The following TAB2 variants were observed in gnomAD, a reference collection of about 807,000 sequenced individuals.
TAB2 encodes TGF-beta activated kinase 1 (MAP3K7) binding protein 2, also known as TGF-beta-activated kinase 1 and MAP3K7-binding protein 2.
Under a neutral mutation model 65.0 loss-of-function variants are expected in TAB2, and 3 were observed. The observed-to-expected ratio is 0.05, with a 90% confidence interval of 0.02 to 0.12. The LOEUF (loss-of-function observed/expected upper bound fraction) is 0.12. Among genes scored for constraint, TAB2 ranks in the 10% least tolerant of loss-of-function variants. TAB2 has a pLI of 1.00. For synonymous variants in TAB2, 298 were observed against 285.1 expected, an observed-to-expected ratio of 1.05 and a Z score of -0.46; for missense variants, 623 against 840.3, an observed-to-expected ratio of 0.74 and a Z score of 3.20.
At chr6:149,241,582 C>T (rs973937922) in intron 1 of TAB2, among the ~76,000 whole-genome samples, 1 of 152,142 alleles carries the variant, frequency 6.6e-6, no homozygotes, top group African/African-American at 2.4e-5. Flanking sequence ...CATTTCAATG[C>T]TGTGGGTAGA....
chr6:149,358,780 C>T (rs1204185730), intron 1 of TAB2, among the ~76,000 whole-genome samples: 1 of 151,708 alleles, frequency 6.6e-6, no homozygotes, highest in East Asian at 1.9e-4. Flanking sequence ...CTATTAGATG[C>T]AGTAGTATTT....
At chr6:149,312,125 G>A (rs1779175763) in intron 1 of TAB2, among the ~76,000 whole-genome samples, 1 of 152,154 alleles carries the variant, frequency 6.6e-6, no homozygotes, top group Admixed American at 6.5e-5. Flanking sequence ...ATTTCTCATG[G>A]ACCCCACTGT....
At chr6:149,337,948 G>C (rs183923995) in intron 1 of TAB2, among the ~76,000 whole-genome samples, 1 of 152,258 alleles carries the variant, frequency 6.6e-6, no homozygotes, top group East Asian at 1.9e-4. Context: ...GAGATGCATG[G>C]AGTCAGGTAA....
intron 1 of TAB2, among the ~76,000 whole-genome samples, chr6:149,311,471 A>C (rs1779166075): frequency 6.6e-6 from 1 of 152,224 alleles, no homozygotes; most frequent in South Asian, 2.1e-4. Flanking sequence ...TTGTTAAAGC[A>C]CAGAGAATAT....
chr6:149,400,363 C>G, intron 6 of TAB2: 1 of 1,606,876 alleles, frequency 6.2e-7, no homozygotes, highest in Non-Finnish European at 8.5e-7. Flanking sequence ...TTTTGTGAAG[C>G]AGCAGCTGAG....
chr6:149,218,843 T>C (rs1777078448), intron 1 of TAB2: 15 of 451,296 alleles, frequency 3.3e-5, no homozygotes, highest in South Asian at 2.3e-4. Context: ...TGAAGTCTGT[T>C]TGAACTTCTG....
chr6:149,354,502 T>A (rs1259715676), intron 1 of TAB2, among the ~76,000 whole-genome samples: 1 of 152,210 alleles, frequency 6.6e-6, no homozygotes, highest in Non-Finnish European at 1.5e-5. Flanking sequence ...GAATATTTTT[T>A]ATTACAGAAA....
At chr6:149,226,455 C>T (rs549271482) in intron 1 of TAB2, among the ~76,000 whole-genome samples, 74 of 152,312 alleles carry the variant, frequency 4.9e-4, no homozygotes, top group African/African-American at 1.7e-3. Context: ...GGTCAGTCCC[C>T]ACCTCCGCAG....
intron 6 of TAB2, among the ~76,000 whole-genome samples, chr6:149,408,863 A>G (rs1782751696): frequency 6.6e-6 from 1 of 152,188 alleles, no homozygotes; most frequent in South Asian, 2.1e-4. Context: ...AGTAAGAAAC[A>G]AAGAGACCTA....
intron 6 of TAB2, among the ~76,000 whole-genome samples, chr6:149,399,954 AGTT>A (rs370573714): frequency 6.6e-5 from 10 of 152,368 alleles, no homozygotes; most frequent in East Asian, 1.9e-4. Flanking sequence ...TTTGAAGTTA[AGTT>A]GTTATCAACT....
At chr6:149,408,504 TACA>T (rs933160874) in intron 6 of TAB2, among the ~76,000 whole-genome samples, 11 of 152,322 alleles carry the variant, frequency 7.2e-5, no homozygotes, top group Non-Finnish European at 1.5e-4. Flanking sequence ...ATTTACTTGT[TACA>T]ATAGTCTCTC....
At chr6:149,219,341 T>TGC (rs1777092949) in intron 1 of TAB2, among the ~76,000 whole-genome samples, 1 of 147,072 alleles carries the variant, frequency 6.8e-6, no homozygotes, top group African/African-American at 2.5e-5. Flanking sequence ...TGTGTGTGTG[T>TGC]GTACTGGGAC....
At chr6:149,373,554 T>C (rs1311671574) in intron 2 of TAB2, among the ~76,000 whole-genome samples, 1 of 152,208 alleles carries the variant, frequency 6.6e-6, no homozygotes, top group Non-Finnish European at 1.5e-5. Context: ...TAATGAATGC[T>C]CAGTAAATGT....
chr6:149,385,598 T>C (rs1781766386), intron 3 of TAB2, among the ~76,000 whole-genome samples: 1 of 152,208 alleles, frequency 6.6e-6, no homozygotes, highest in East Asian at 1.9e-4. Context: ...TTCCTCCCAG[T>C]CTTAAGACTA....
chr6:149,295,871 A>G (rs1361920663), intron 1 of TAB2, among the ~76,000 whole-genome samples: 1 of 152,060 alleles, frequency 6.6e-6, no homozygotes, highest in Non-Finnish European at 1.5e-5. Context: ...CTCCCGGTTC[A>G]ACCAATTCTC....
chr6:149,345,770 G>A (rs1780276131), intron 1 of TAB2, among the ~76,000 whole-genome samples: 1 of 152,000 alleles, frequency 6.6e-6, no homozygotes, highest in African/African-American at 2.4e-5. Flanking sequence ...TTAATATAAT[G>A]CATCTTTTGT....
At chr6:149,258,849 A>G (rs899258462) in intron 1 of TAB2, among the ~76,000 whole-genome samples, 2 of 152,238 alleles carry the variant, frequency 1.3e-5, no homozygotes, top group African/African-American at 4.8e-5. Context: ...ACTTTAAAGT[A>G]GGGAGATTAT....
At chr6:149,254,022 GAAAA>G (rs1366584603) in intron 1 of TAB2, among the ~76,000 whole-genome samples, 1 of 124,684 alleles carries the variant, frequency 8.0e-6, no homozygotes, top group African/African-American at 3.1e-5. Flanking sequence ...AAGAAAGAAA[GAAAA>G]GAAAGAAAGA....
At position 149,335,564 on chromosome 6, in the gene TAB2, G is replaced by C. The variant is rs1043220352; in HGVS notation, c.-90+17549G>C. Among the ~76,000 whole-genome samples, 3 of 152,016 alleles carry C rather than the reference G, an allele frequency of 2.0e-5. No homozygotes were observed. In the East Asian group the frequency reaches 5.8e-4, roughly 29 times the overall value. On this transcript the variant is annotated intron_variant, in intron 1 of 6. Transcript: ENST00000637181. ...TTTTTTCTAACTTTTTGTAGAGGCA[G>C]GGTTTTGCTGTATTGCACAGGCTAG...
Sources: allele counts gnomAD v4.1 joint callset (sites outside exome capture counted in the v4.1 genomes callset), GRCh38; gene constraint gnomAD v4.1.1; transcripts MANE v1.5; gene names NCBI Gene and HGNC (gene_info 2026-07-23, HGNC 2026-07-21).